The following RNLS variants were observed in gnomAD, a reference collection of about 807,000 sequenced individuals.
The protein encoded by RNLS is renalase, FAD dependent amine oxidase.
In RNLS, 39 loss-of-function variants were observed where a neutral mutation model predicts 39.8. The observed-to-expected ratio is 0.98, with a 90% CI of 0.76 to 1.28. RNLS has a LOEUF of 1.28. RNLS is among the 50% of genes most tolerant of loss of function. RNLS has a pLI of 0.00. For synonymous variants in RNLS, 147 were observed against 150.7 expected, an observed-to-expected ratio of 0.98 and a Z score of 0.18; for missense variants, 410 against 413.3, an observed-to-expected ratio of 0.99 and a Z score of 0.07.
At chr10:88,352,861 A>C (rs1469466124) in intron 5 of RNLS, among the ~76,000 whole-genome samples, 1 of 152,208 alleles carries the variant, frequency 6.6e-6, no homozygotes, top group Admixed American at 6.5e-5. Flanking sequence ...GCTATTAATT[A>C]TTGCCTCAAT....
At position 88,465,713 on chromosome 10, in the gene RNLS, T is replaced by C. The variant is rs115363373; in HGVS notation, c.527-102988A>G. ...TATTGTTGACAAAGAGCCTAAAATA[T>C]GTTCTTAAAGTTAATGCCTGTCTTT... On this transcript the variant is annotated intron_variant, in intron 4 of 6. Transcript: ENST00000331772. Among the ~76,000 whole-genome samples the C allele has an allele frequency of 3.4e-3, 511 of 152,234 alleles. 3 individuals are homozygous for C. The highest frequency in any genetic ancestry group is 0.031 in the Middle Eastern group (9 of 294).
chr10:88,491,925 T>C (rs1328943378), intron 4 of RNLS, among the ~76,000 whole-genome samples: 1 of 151,396 alleles, frequency 6.6e-6, no homozygotes, highest in Non-Finnish European at 1.5e-5. Context: ...TCTCATAATA[T>C]GTTAAAGGGT....
chr10:88,203,796 CTG>C, the RNLS span, among the ~76,000 whole-genome samples: 4 of 151,346 alleles, frequency 2.6e-5, no homozygotes, highest in Non-Finnish European at 5.9e-5. Flanking sequence ...ATTATATTAA[CTG>C]TAGGAACATA....
the RNLS span, among the ~76,000 whole-genome samples, chr10:88,202,695 G>C: frequency 6.6e-6 from 1 of 152,164 alleles, no homozygotes; most frequent in Non-Finnish European, 1.5e-5. Flanking sequence ...TGTTCTACTG[G>C]GAGCCAAGAA....
At chr10:88,243,933 C>A in the RNLS span, among the ~76,000 whole-genome samples, 1 of 152,190 alleles carries the variant, frequency 6.6e-6, no homozygotes, top group Admixed American at 6.5e-5. Context: ...CCTGAATAGC[C>A]AGCAGCTGCG....
chr10:88,510,858 AAAAGTTTACATAAT>A (rs1043241343), intron 4 of RNLS, among the ~76,000 whole-genome samples: 2 of 151,332 alleles, frequency 1.3e-5, no homozygotes, highest in Admixed American at 1.3e-4. Flanking sequence ...AGAAAAAAAA[AAAAGTTTACATAAT>A]AAACCTTTAT....
At chr10:88,468,453 T>C (rs1183099205) in intron 4 of RNLS, among the ~76,000 whole-genome samples, 1 of 152,160 alleles carries the variant, frequency 6.6e-6, no homozygotes, top group Non-Finnish European at 1.5e-5. Flanking sequence ...CTAGTCAACA[T>C]GATTTATAAT....
chr10:88,242,170 A>G, the RNLS span, among the ~76,000 whole-genome samples: 1 of 152,194 alleles, frequency 6.6e-6, no homozygotes, highest in African/African-American at 2.4e-5. Context: ...CCTTTCCTCT[A>G]TTTTAAGAAA....
intron 4 of RNLS, among the ~76,000 whole-genome samples, chr10:88,572,098 T>C (rs1849871817): frequency 6.6e-6 from 1 of 152,080 alleles, no homozygotes; most frequent in African/African-American, 2.4e-5. Flanking sequence ...AAATCTTAGC[T>C]ATCCACCTCC....
chr10:88,428,040 A>C (rs1247843828), intron 4 of RNLS, among the ~76,000 whole-genome samples: 1 of 151,674 alleles, frequency 6.6e-6, no homozygotes, highest in Non-Finnish European at 1.5e-5. Context: ...TTGAACAATA[A>C]AAAAAAAGAC....
intron 4 of RNLS, among the ~76,000 whole-genome samples, chr10:88,498,553 T>A (rs948508839): frequency 1.3e-5 from 2 of 148,748 alleles, no homozygotes; most frequent in South Asian, 2.2e-4. Context: ...GCATACTAGA[T>A]AATAATATTG....
intron 5 of RNLS, among the ~76,000 whole-genome samples, chr10:88,358,468 A>G (rs1047857667): frequency 3.3e-5 from 5 of 152,258 alleles, no homozygotes; most frequent in African/African-American, 1.2e-4. Context: ...GATTAAAAGA[A>G]GTAAAAAGGT....
At chr10:88,173,537 G>A in the RNLS span, among the ~76,000 whole-genome samples, 1 of 152,082 alleles carries the variant, frequency 6.6e-6, no homozygotes, top group Non-Finnish European at 1.5e-5. Context: ...TTGGTATTTT[G>A]ATAAGGATTG....
intron 4 of RNLS, among the ~76,000 whole-genome samples, chr10:88,436,675 T>C (rs1422612659): frequency 1.3e-5 from 2 of 152,190 alleles, no homozygotes; most frequent in Non-Finnish European, 2.9e-5. Context: ...TTTGTTTCTA[T>C]AAAACTATTC....
intron 4 of RNLS, among the ~76,000 whole-genome samples, chr10:88,496,874 T>G (rs1845203657): frequency 6.6e-6 from 1 of 152,130 alleles, no homozygotes; most frequent in South Asian, 2.1e-4. Context: ...GGAACTCTTG[T>G]GGCAATATAA....
intron 4 of RNLS, among the ~76,000 whole-genome samples, chr10:88,442,335 C>G (rs1841761785): frequency 1.3e-5 from 2 of 152,044 alleles, no homozygotes; most frequent in South Asian, 4.1e-4. Flanking sequence ...TATGAAATAC[C>G]AAATTAAACT....
chr10:88,209,093 C>T, the RNLS span, among the ~76,000 whole-genome samples: 1 of 152,110 alleles, frequency 6.6e-6, no homozygotes, highest in Non-Finnish European at 1.5e-5. Flanking sequence ...ATATCCGAAA[C>T]TCTTCTTTTT....
At chr10:88,395,869 G>A (rs989159168) in intron 4 of RNLS, among the ~76,000 whole-genome samples, 1 of 152,050 alleles carries the variant, frequency 6.6e-6, no homozygotes, top group African/African-American at 2.4e-5. Flanking sequence ...ATGTTCCAGG[G>A]ATTCTCAATA....
chr10:88,545,949 A>G (rs1045633742), intron 4 of RNLS, among the ~76,000 whole-genome samples: 3 of 152,132 alleles, frequency 2.0e-5, no homozygotes, highest in Non-Finnish European at 4.4e-5. Flanking sequence ...AGAAAATCTG[A>G]GTCACCATTC....
Sources: gnomAD v4.1 joint callset for allele counts (sites outside exome capture counted in the v4.1 genomes callset) on GRCh38, gnomAD v4.1.1 for gene constraint, MANE v1.5 for transcripts, NCBI Gene and HGNC (gene_info 2026-07-23, HGNC 2026-07-21) for gene names.